DNAJC15: variants seen among roughly 807,000 people sequenced by gnomAD.
DNAJC15 encodes DnaJ heat shock protein family (Hsp40) member C15.
DNAJC15 carries 27 observed loss-of-function variants against 22.4 expected under a neutral mutation model. The ratio of observed to expected loss-of-function variants is 1.20; its 90% CI spans 0.89 to 1.66. The LOEUF is 1.66. Ranked by LOEUF, DNAJC15 falls within the 40% of genes most tolerant of loss-of-function variation. The probability of loss-of-function intolerance (pLI) is 0.00; values close to 1 mark genes in which losing one functional copy is unlikely to be tolerated. For missense variants in DNAJC15, 208 were observed against 187.1 expected (o/e 1.11, Z -0.65); for synonymous variants, 79 against 63.2 (o/e 1.25, Z -1.19).
At chr13:43,099,461 G>C (rs1015970008) in intron 5 of DNAJC15, among the ~76,000 whole-genome samples, 5 of 152,140 alleles carry the variant, frequency 3.3e-5, no homozygotes, top group African/African-American at 7.2e-5. Context: ...TCTTGCTTCT[G>C]ATCTTAGGGA....
intron 1 of DNAJC15, among the ~76,000 whole-genome samples, chr13:43,027,727 G>A (rs2040386725): frequency 6.6e-6 from 1 of 151,884 alleles, no homozygotes; most frequent in Non-Finnish European, 1.5e-5. Flanking sequence ...CGGGATCTCG[G>A]CTCACTGCAG....
intron 1 of DNAJC15, among the ~76,000 whole-genome samples, chr13:43,057,930 CA>C: frequency 6.6e-6 from 1 of 152,226 alleles, no homozygotes; most frequent in Non-Finnish European, 1.5e-5. Context: ...GGAGTGTCTG[CA>C]AAGAGTCAAA....
chr13:43,078,168 CTT>C (rs2040644248), intron 3 of DNAJC15, among the ~76,000 whole-genome samples: 1 of 152,190 alleles, frequency 6.6e-6, no homozygotes, highest in Non-Finnish European at 1.5e-5. Context: ...CCCAGCCTCT[CTT>C]GGCTTGCCTG....
chr13:43,100,712 T>G (rs1202913665), intron 5 of DNAJC15, among the ~76,000 whole-genome samples: 1 of 152,224 alleles, frequency 6.6e-6, no homozygotes, highest in Non-Finnish European at 1.5e-5. Context: ...GAGAATGTCC[T>G]CTGTGCATTT....
chr13:43,059,698 C>CTT (rs765625917), intron 1 of DNAJC15, among the ~76,000 whole-genome samples: 1 of 152,200 alleles, frequency 6.6e-6, no homozygotes, highest in Non-Finnish European at 1.5e-5. Context: ...GTGAAGAGAC[C>CTT]ACCAAACAGG....
At chr13:43,098,733 A>G (rs1275163624) in intron 5 of DNAJC15, among the ~76,000 whole-genome samples, 1 of 152,180 alleles carries the variant, frequency 6.6e-6, no homozygotes, top group Non-Finnish European at 1.5e-5. Context: ...TTCTCAGTTC[A>G]GTTTCATTGA....
intron 5 of DNAJC15, among the ~76,000 whole-genome samples, chr13:43,091,916 A>G (rs2762165): frequency 3.4e-4 from 52 of 152,328 alleles, no homozygotes; most frequent in African/African-American, 1.2e-3. Context: ...TCAATAATCT[A>G]GCATATGGTC....
rs9594881 is a variant in DNAJC15, at chr13:43,082,349, A to T, written c.312-3419A>T. 6.4e-3 allele frequency among the ~76,000 whole-genome samples: 971 copies of T among 152,288 alleles called. 4 individuals are homozygous for T. The highest frequency in any genetic ancestry group is 0.022 in the African/African-American group (911 of 41,550). Reference sequence around the variant, plus strand: ...ATACTGGAGGTATATCATCATAGCTACATTTAGTTTTTATACTAAGCTTAA... The same window carrying T: ...ATACTGGAGGTATATCATCATAGCTTCATTTAGTTTTTATACTAAGCTTAA... On this transcript the variant is annotated intron_variant, in intron 4 of 5. Transcript: ENST00000379221.
At chr13:43,025,611 A>G (rs985061819) in intron 1 of DNAJC15, among the ~76,000 whole-genome samples, 6 of 152,252 alleles carry the variant, frequency 3.9e-5, no homozygotes, top group Non-Finnish European at 7.3e-5. Context: ...ATTAGACAAT[A>G]ACATGTCTAC....
At chr13:43,085,731 T>C in intron 4 of DNAJC15, 37 bp from the exon 5 acceptor site, 2 of 1,549,938 alleles carry the variant, frequency 1.3e-6, no homozygotes, top group Non-Finnish European at 1.8e-6. Context: ...CTGCATTTGA[T>C]GCTATTTATT....
intron 4 of DNAJC15, among the ~76,000 whole-genome samples, chr13:43,085,542 A>G (rs1317362748): frequency 1.3e-5 from 2 of 152,160 alleles, no homozygotes; most frequent in African/African-American, 2.4e-5. Flanking sequence ...AAATTGATTG[A>G]GAATAAGGAT....
chr13:43,101,453 G>C (rs1429992744), intron 5 of DNAJC15, among the ~76,000 whole-genome samples: 1 of 152,194 alleles, frequency 6.6e-6, no homozygotes, highest in Non-Finnish European at 1.5e-5. Context: ...GGGAACAAGT[G>C]GTGTTTGGTT....
intron 1 of DNAJC15, among the ~76,000 whole-genome samples, chr13:43,024,337 GTTTTTTTTTTTTTTT>G (rs376910976): frequency 1.1e-5 from 1 of 93,400 alleles, no homozygotes; most frequent in Non-Finnish European, 1.9e-5. Context: ...GTATTTTTAC[GTTTTTTTTTTTTTTT>G]TTTTTTTTTG....
intron 1 of DNAJC15, among the ~76,000 whole-genome samples, chr13:43,028,742 A>G (rs2040391685): frequency 6.6e-6 from 1 of 152,160 alleles, no homozygotes; most frequent in Non-Finnish European, 1.5e-5. Flanking sequence ...CTCTTCTGAA[A>G]TTCTTTTCCT....
At chr13:43,038,960 A>C (rs532157265) in intron 1 of DNAJC15, among the ~76,000 whole-genome samples, 3 of 152,256 alleles carry the variant, frequency 2.0e-5, no homozygotes, top group South Asian at 4.1e-4. Flanking sequence ...TTAAAAACCT[A>C]CCTAGTAATA....
At chr13:43,032,112 C>T (rs1192722131) in intron 1 of DNAJC15, among the ~76,000 whole-genome samples, 2 of 152,212 alleles carry the variant, frequency 1.3e-5, no homozygotes, top group East Asian at 1.9e-4. Flanking sequence ...GCCACTGCTG[C>T]TGCTGGAGCA....
rs1266579937 is a variant in DNAJC15, at chr13:43,114,066, G to A, written c.*6818G>A. 6.6e-6 allele frequency: 1 copy of A among 152,126 alleles called. No individual in the cohort carries two copies. The highest frequency in any genetic ancestry group is 2.4e-5 in the African/African-American group (1 of 41,416). 9.4% of individuals were successfully genotyped at this position (152,126 alleles called of 1,614,324 possible). A position where few individuals can be genotyped will look rare whatever the true frequency, so the allele number is the denominator to read the frequency against. On this transcript the variant is annotated 3_prime_UTR_variant, in exon 6 of 6. Coordinates refer to ENST00000379221, the MANE Select transcript of DNAJC15 (RefSeq NM_013238.3). ...GCAGAGATTTTTTAAAATCCAATAT[G>A]TGAAAATACGGATGCACTACAATTA...
chr13:43,059,241 TAA>T (rs1392172587), intron 1 of DNAJC15, among the ~76,000 whole-genome samples: 2 of 152,324 alleles, frequency 1.3e-5, no homozygotes, highest in East Asian at 3.8e-4. Flanking sequence ...ATTTTATTAT[TAA>T]AAACTCAAGT....
Position 43,023,715 on chromosome 13 carries a change from A to G in DNAJC15, c.89A>G (p.Asp30Gly). ...CCCTCGGCCAAACGGCCAGACGCCG[A>G]CGTCGACCAGCAGAGACTGGTGAGT... ...LQPSAKRPDADVDQQRLVRSL... is the reference protein window; with the variant it reads ...LQPSAKRPDAGVDQQRLVRSL... The change falls in exon 1 of 6, where the codon GAC becomes GGC. Residue 30 changes from aspartate (D) to glycine (G), a missense_variant. By Grantham distance (94) the Asp-to-Gly change is moderately conservative. Transcript: ENST00000379221. 6.2e-7 allele frequency: 1 copy of G among 1,611,004 alleles called. No individual in the cohort carries two copies. The highest frequency in any genetic ancestry group is 8.5e-7 in the Non-Finnish European group (1 of 1,178,928).
Sources: allele counts gnomAD v4.1 joint callset (sites outside exome capture counted in the v4.1 genomes callset), GRCh38; gene constraint gnomAD v4.1.1; transcripts MANE v1.5; gene names NCBI Gene and HGNC (gene_info 2026-07-23, HGNC 2026-07-21).